Variants in RALYL observed in about 807,000 individuals in gnomAD.
RALYL encodes RALY RNA binding protein like.
Under a neutral mutation model 35.1 loss-of-function variants are expected in RALYL, and 29 were observed. That is an observed-to-expected ratio of 0.83 (90% CI 0.61 to 1.13). RALYL has a LOEUF of 1.13. RALYL is among the 50% of genes most tolerant of loss of function. RALYL has a pLI of 0.00. For missense variants in RALYL, 359 were observed against 360.4 expected, an observed-to-expected ratio of 1.00 and a Z score of 0.03; for synonymous variants, 120 against 127.6, an observed-to-expected ratio of 0.94 and a Z score of 0.40.
intron 1 of RALYL, among the ~76,000 whole-genome samples, chr8:84,315,891 G>T (rs763038420): frequency 6.6e-6 from 1 of 150,942 alleles, no homozygotes; most frequent in Non-Finnish European, 1.5e-5. Flanking sequence ...TGAATTTTTA[G>T]CCTAAATGAA....
chr8:84,456,228 A>T (rs796633308), intron 1 of RALYL, among the ~76,000 whole-genome samples: 6 of 152,076 alleles, frequency 3.9e-5, no homozygotes, highest in African/African-American at 1.4e-4. Context: ...ATCCCCCAAA[A>T]GTTTTTGAAT....
chr8:84,319,959 C>G lies in RALYL; in HGVS notation c.-24+135535C>G, dbSNP rs191414517. ...CTATAGCTTATATTTATGTATAAAACTCTTGCATTACACTTAAAATACATA... is the reference window on the plus strand; with the variant it reads ...CTATAGCTTATATTTATGTATAAAAGTCTTGCATTACACTTAAAATACATA... On this transcript the variant is annotated intron_variant, in intron 1 of 8. Coordinates refer to ENST00000521268, the MANE Select transcript of RALYL (RefSeq NM_173848.7). Among the ~76,000 whole-genome samples, 583 of 151,998 alleles carry G rather than the reference C, an allele frequency of 3.8e-3. 1 individual carries two copies. Among genetic ancestry groups the G allele is most frequent in the Non-Finnish European group, 7.2e-3 (487 of 67,876 alleles).
chr8:84,576,974 C>T (rs753339695), intron 2 of RALYL, among the ~76,000 whole-genome samples: 2 of 152,222 alleles, frequency 1.3e-5, no homozygotes, highest in Non-Finnish European at 2.9e-5. Flanking sequence ...CTATCTCTCT[C>T]ATTGTAATTC....
At chr8:84,892,859 G>A (rs1844113923) in intron 8 of RALYL, among the ~76,000 whole-genome samples, 2 of 152,104 alleles carry the variant, frequency 1.3e-5, no homozygotes, top group Admixed American at 1.3e-4. Context: ...GTAGTGCATA[G>A]AAGTCAAAAT....
At chr8:84,379,911 G>T (rs1383800902) in intron 1 of RALYL, among the ~76,000 whole-genome samples, 1 of 150,792 alleles carries the variant, frequency 6.6e-6, no homozygotes, top group Non-Finnish European at 1.5e-5. Flanking sequence ...ATAAAAATAT[G>T]CTGTTTTAAT....
chr8:84,634,201 C>A (rs1257892895), intron 2 of RALYL, among the ~76,000 whole-genome samples: 1 of 151,760 alleles, frequency 6.6e-6, no homozygotes. Context: ...TCTAGTCACA[C>A]GGATTTATGT....
At chr8:84,873,149 G>A in intron 6 of RALYL, 135 bp from the exon 7 acceptor site, 1 of 501,798 alleles carries the variant, frequency 2.0e-6, no homozygotes, top group Admixed American at 3.8e-5. Flanking sequence ...GTAATGTGAA[G>A]TTGATAAAAT....
chr8:84,579,347 G>A (rs901498744), intron 2 of RALYL, among the ~76,000 whole-genome samples: 1 of 152,156 alleles, frequency 6.6e-6, no homozygotes. Flanking sequence ...TGTGGGCAAG[G>A]GGCTTCCTGG....
At chr8:84,330,026 T>G (rs1846522605) in intron 1 of RALYL, among the ~76,000 whole-genome samples, 1 of 130,716 alleles carries the variant, frequency 7.7e-6, no homozygotes, top group Non-Finnish European at 1.7e-5. Flanking sequence ...TGTAAAGAAT[T>G]CATAAATATA....
At chr8:84,423,684 G>A (rs1435939703) in intron 1 of RALYL, among the ~76,000 whole-genome samples, 1 of 151,700 alleles carries the variant, frequency 6.6e-6, no homozygotes, top group East Asian at 1.9e-4. Context: ...GCAGTGGCTG[G>A]TACCGGTTGT....
At chr8:84,590,069 A>G in intron 2 of RALYL, among the ~76,000 whole-genome samples, 1 of 152,316 alleles carries the variant, frequency 6.6e-6, no homozygotes, top group Middle Eastern at 3.4e-3. Flanking sequence ...ATTTTGGAAG[A>G]TATAATCTTC....
intron 1 of RALYL, among the ~76,000 whole-genome samples, chr8:84,462,040 C>T (rs2050848491): frequency 6.6e-6 from 1 of 151,690 alleles, no homozygotes; most frequent in South Asian, 2.1e-4. Context: ...GCAGCAGTGC[C>T]ATTTTGTATT....
intron 1 of RALYL, among the ~76,000 whole-genome samples, chr8:84,470,468 GT>G (rs35783688): frequency 0.36 from 51,135 of 142,748 alleles, 8,991 homozygotes; most frequent in South Asian, 0.52. Context: ...GATTGTATGG[GT>G]TTTTTTTTTT....
At chr8:84,415,612 C>T (rs991253762) in intron 1 of RALYL, among the ~76,000 whole-genome samples, 8 of 152,108 alleles carry the variant, frequency 5.3e-5, no homozygotes, top group East Asian at 3.9e-4. Flanking sequence ...GCAATTCTGA[C>T]GGAATTATTA....
intron 2 of RALYL, among the ~76,000 whole-genome samples, chr8:84,583,891 A>C (rs1176507686): frequency 6.6e-6 from 1 of 152,190 alleles, no homozygotes; most frequent in Non-Finnish European, 1.5e-5. Flanking sequence ...TAGAACCTGA[A>C]TATAGCCAAT....
intron 2 of RALYL, among the ~76,000 whole-genome samples, chr8:84,735,811 C>CGAGAGAGAGAGAGAGAGAGA (rs59842702): frequency 1.3e-4 from 15 of 111,384 alleles, no homozygotes; most frequent in Non-Finnish European, 2.0e-4. Context: ...ATCCAAACCG[C>CGAGAGAGAGAGAGAGAGAGA]GAGAGAGAGA....
chr8:84,277,336 A>G (rs950672396), intron 1 of RALYL, among the ~76,000 whole-genome samples: 5 of 152,154 alleles, frequency 3.3e-5, no homozygotes, highest in Admixed American at 6.5e-5. Flanking sequence ...TGAGAACAGT[A>G]TGGGGGAAAC....
At chr8:84,306,425 A>G (rs1055439580) in intron 1 of RALYL, among the ~76,000 whole-genome samples, 1 of 152,134 alleles carries the variant, frequency 6.6e-6, no homozygotes, top group Non-Finnish European at 1.5e-5. Flanking sequence ...CCATCTTTTG[A>G]TAAGTATAGG....
chr8:84,873,750 C>CA (rs1169347884), intron 7 of RALYL, among the ~76,000 whole-genome samples: 1 of 151,998 alleles, frequency 6.6e-6, no homozygotes, highest in East Asian at 1.9e-4. Context: ...ACATAATATT[C>CA]ATATATAATT....
Sources: allele counts gnomAD v4.1 joint callset (sites outside exome capture counted in the v4.1 genomes callset), GRCh38; gene constraint gnomAD v4.1.1; transcripts MANE v1.5; gene names NCBI Gene and HGNC (gene_info 2026-07-23, HGNC 2026-07-21).